CCDC73: variants seen among roughly 807,000 people sequenced by gnomAD.
CCDC73 encodes coiled-coil domain-containing protein 73.
Under a neutral mutation model 116.5 loss-of-function variants are expected in CCDC73, and 95 were observed. That is an observed-to-expected ratio of 0.82 (90% CI 0.69 to 0.97). The LOEUF is 0.97. Ranked by LOEUF, CCDC73 falls within the 50% of genes least tolerant of loss-of-function variation. The probability of loss-of-function intolerance (pLI) is 0.00; values close to 1 mark genes in which losing one functional copy is unlikely to be tolerated. For synonymous variants in CCDC73, 398 were observed against 401.3 expected, an observed-to-expected ratio of 0.99 and a Z score of 0.10; for missense variants, 1,066 against 1,206.8, an observed-to-expected ratio of 0.88 and a Z score of 1.73.
In CCDC73 at chr11:32,613,726, C is replaced by G. The variant is rs1855444348; in HGVS notation, c.2592G>C (p.Glu864Asp). The G allele has an allele frequency of 6.2e-7, 1 of 1,613,938 alleles. No homozygotes were observed. Among genetic ancestry groups the G allele is most frequent in the Non-Finnish European group, 8.5e-7 (1 of 1,179,992 alleles). The change falls in exon 16 of 18, where the codon GAG becomes GAC. Residue 864 changes from glutamate to aspartate, a missense_variant. Glu to Asp is a conservative substitution (Grantham distance 45). Coordinates refer to ENST00000335185, the MANE Select transcript of CCDC73 (RefSeq NM_001008391.4). ...GCTCTATGTGAAATGAATGTGATTC[C>G]TCCAGCTGTCCTTCACTGAACATTT... ...SGKMFSEGQL[E>D]ESHSFHIEPS...
chr11:32,700,805 G>A lies in CCDC73; in HGVS notation c.301C>T (p.Leu101=). The A allele has an allele frequency of 1.4e-6, 2 of 1,435,936 alleles. No individual in the cohort carries two copies. Among genetic ancestry groups the A allele is most frequent in the Non-Finnish European group, 1.9e-6 (2 of 1,062,924 alleles). The allele number at this position is 1,435,936 out of a possible 1,614,324, so 88.9% of individuals were successfully genotyped here. The part of the protein sequence containing the change: ...KKQLQMKMCA[L]EEEKGKYQLA... Reference sequence around the variant, plus strand: ...ATTATAAATACCTTTTCTTCTTCCAGGGCACACATCTTCATCTGCAACTGA... The same window carrying A: ...ATTATAAATACCTTTTCTTCTTCCAAGGCACACATCTTCATCTGCAACTGA... Residue 101 remains leucine (L), a synonymous_variant, in exon 5 of 18, where the codon CTG becomes TTG. Transcript: ENST00000335185.
chr11:32,731,045 G>A (rs1850072618), intron 2 of CCDC73, among the ~76,000 whole-genome samples: 2 of 152,186 alleles, frequency 1.3e-5, no homozygotes, highest in African/African-American at 4.8e-5. Flanking sequence ...CATGACAGAT[G>A]ACACCTGGAA....
intron 2 of CCDC73, among the ~76,000 whole-genome samples, chr11:32,733,423 G>T (rs1033200150): frequency 2.6e-5 from 4 of 152,100 alleles, no homozygotes; most frequent in African/African-American, 9.7e-5. Context: ...GTGGACCTAA[G>T]AGACATCTAC....
At chr11:32,716,447 T>C (rs1218870592) in intron 3 of CCDC73, among the ~76,000 whole-genome samples, 1 of 152,234 alleles carries the variant, frequency 6.6e-6, no homozygotes, top group African/African-American at 2.4e-5. Flanking sequence ...GAATCAAGTA[T>C]GACTATTTCA....
intron 2 of CCDC73, among the ~76,000 whole-genome samples, chr11:32,739,168 G>A (rs1463604159): frequency 1.3e-5 from 2 of 152,022 alleles, no homozygotes; most frequent in Non-Finnish European, 2.9e-5. Context: ...GATAGCTTTG[G>A]CTAGTCTGGG....
chr11:32,689,228 C>T (rs1053868414), intron 6 of CCDC73, among the ~76,000 whole-genome samples: 5 of 152,178 alleles, frequency 3.3e-5, no homozygotes, highest in Non-Finnish European at 5.9e-5. Context: ...ATACTCCCTG[C>T]ATGGTATGTA....
At chr11:32,721,240 G>T (rs996023473) in intron 2 of CCDC73, among the ~76,000 whole-genome samples, 2 of 152,094 alleles carry the variant, frequency 1.3e-5, no homozygotes, top group Non-Finnish European at 2.9e-5. Flanking sequence ...GGCCAGGCTG[G>T]TCTCAAACTC....
In CCDC73 at chr11:32,635,955, T is replaced by G. The variant is rs1855674162; in HGVS notation, c.1051-125A>C. 9.9e-6 allele frequency: 6 copies of G among 606,218 alleles called. No homozygotes were observed. The East Asian group carries it at 3.2e-4, about 32-fold the overall frequency. The allele number at this position is 606,218 out of a possible 1,614,324, so 37.6% of individuals were successfully genotyped here. A position where few individuals can be genotyped will look rare whatever the true frequency, so the allele number is the denominator to read the frequency against. ...AGAATCAAAACAATCACAAAGTCAT[T>G]ACTAATATTAAGAGCTACCATTTAT... On this transcript the variant is annotated intron_variant, in intron 13 of 17. Transcript: ENST00000335185.
chr11:32,771,785 C>T (rs963317623), intron 1 of CCDC73, among the ~76,000 whole-genome samples: 4 of 152,202 alleles, frequency 2.6e-5, no homozygotes, highest in Non-Finnish European at 5.9e-5. Flanking sequence ...AAATTCCTCC[C>T]ATCATCTCAT....
intron 7 of CCDC73, 130 bp from the exon 8 acceptor site, chr11:32,676,151 A>G (rs1336996774): frequency 1.6e-6 from 1 of 632,890 alleles, no homozygotes; most frequent in Non-Finnish European, 2.4e-6. Flanking sequence ...GTCATTTAAA[A>G]GTACTCTCTG....
At chr11:32,631,599 A>C (rs1490458841) in intron 14 of CCDC73, among the ~76,000 whole-genome samples, 1 of 150,978 alleles carries the variant, frequency 6.6e-6, no homozygotes, top group African/African-American at 2.4e-5. Flanking sequence ...GAAGGAAAGG[A>C]AGGAAAGGAA....
Position 32,654,377 on chromosome 11 carries a change from T to C in CCDC73, c.775-340A>G, listed in dbSNP as rs150112792. Among the ~76,000 whole-genome samples, 592 of 152,296 alleles carry C rather than the reference T, an allele frequency of 3.9e-3. 2 individuals carry two copies. The highest frequency in any genetic ancestry group is 0.014 in the African/African-American group (562 of 41,566). The stretch of plus-strand genomic sequence containing the variant: ...TTAGTGGAGACGAGGTTTCATCATG[T>C]TGGCCAAGCTGGTCTTGAACTCCTA... On this transcript the variant is annotated intron_variant, in intron 10 of 17. Coordinates refer to ENST00000335185, the MANE Select transcript of CCDC73 (RefSeq NM_001008391.4).
At chr11:32,734,957 C>G (rs1448596175) in intron 2 of CCDC73, among the ~76,000 whole-genome samples, 1 of 152,128 alleles carries the variant, frequency 6.6e-6, no homozygotes, top group Non-Finnish European at 1.5e-5. Context: ...AGGCCTTTGA[C>G]AAAATTCAAC....
chr11:32,816,070 C>T, the CCDC73 span, among the ~76,000 whole-genome samples: 168 of 152,258 alleles, frequency 1.1e-3, 1 homozygote, highest in Middle Eastern at 3.4e-3. Context: ...AGTAACTTTT[C>T]AGATGGTACT....
chr11:32,791,155 G>C (rs1290600597), intron 1 of CCDC73, among the ~76,000 whole-genome samples: 1 of 152,102 alleles, frequency 6.6e-6, no homozygotes, highest in Non-Finnish European at 1.5e-5. Flanking sequence ...GGGTCATCAG[G>C]AAATTAAGAA....
At chr11:32,636,955 A>G (rs1374546749) in intron 13 of CCDC73, among the ~76,000 whole-genome samples, 2 of 149,740 alleles carry the variant, frequency 1.3e-5, no homozygotes, top group Non-Finnish European at 3.0e-5. Context: ...TATGCTTTAC[A>G]CACATTCCTA....
chr11:32,612,343 A>G (rs1855428863), intron 16 of CCDC73, among the ~76,000 whole-genome samples: 1 of 152,094 alleles, frequency 6.6e-6, no homozygotes, highest in South Asian at 2.1e-4. Flanking sequence ...AAAAACAATT[A>G]AAAAACCATT....
chr11:32,733,381 G>A lies in CCDC73; in HGVS notation c.136-15234C>T, dbSNP rs539557444. 2.2e-4 allele frequency among the ~76,000 whole-genome samples: 34 copies of A among 152,082 alleles called. 1 individual carries two copies. Among genetic ancestry groups the A allele is most frequent in the East Asian group, 7.7e-4 (4 of 5,182 alleles). On this transcript the variant is annotated intron_variant, in intron 2 of 17. Coordinates refer to ENST00000335185, the MANE Select transcript of CCDC73 (RefSeq NM_001008391.4). ...TCAACAAAACAGAAAGTTAAAAAGG[G>A]TATCCAGGAATTGAACTCAGCTCTG...
At chr11:32,771,677 G>A (rs112308580) in intron 1 of CCDC73, among the ~76,000 whole-genome samples, 3 of 152,304 alleles carry the variant, frequency 2.0e-5, no homozygotes, top group African/African-American at 7.2e-5. Context: ...AATACTGTTT[G>A]GGGTTGAGAT....
Sources: allele counts gnomAD v4.1 joint callset (sites outside exome capture counted in the v4.1 genomes callset), GRCh38; gene constraint gnomAD v4.1.1; transcripts MANE v1.5; gene names NCBI Gene and HGNC (gene_info 2026-07-23, HGNC 2026-07-21).